Variants in SOX6 observed in about 807,000 individuals in gnomAD.
SOX6 encodes transcription factor SOX-6.
In SOX6, 11 loss-of-function variants were observed where a neutral mutation model predicts 97.8. The ratio of observed to expected loss-of-function variants is 0.11; its 90% CI spans 0.07 to 0.19. The LOEUF (loss-of-function observed/expected upper bound fraction) is 0.19, where lower values mean the gene tolerates loss of function less well. Ranked by LOEUF, SOX6 falls within the 10% of genes least tolerant of loss-of-function variation. SOX6 has a pLI of 1.00. For missense variants in SOX6, 810 were observed against 1,039.5 expected (o/e 0.78, Z 3.04); for synonymous variants, 360 against 371.4 (o/e 0.97, Z 0.35).
chr11:16,706,309 A>T (rs920894917), intron 3 of SOX6, among the ~76,000 whole-genome samples: 2 of 149,208 alleles, frequency 1.3e-5, no homozygotes, highest in Non-Finnish European at 3.0e-5. Context: ...TTAGCTGGGT[A>T]TAGTAACACA....
upstream of SOX6, among the ~76,000 whole-genome samples, chr11:16,361,301 G>T (rs530250905): frequency 3.6e-4 from 55 of 152,172 alleles, no homozygotes; most frequent in African/African-American, 1.2e-3. Context: ...AATAGATGTT[G>T]TAATAAAACC....
At chr11:16,644,090 G>T (rs990882523) in intron 3 of SOX6, among the ~76,000 whole-genome samples, 1 of 152,144 alleles carries the variant, frequency 6.6e-6, no homozygotes, top group Non-Finnish European at 1.5e-5. Context: ...ACCCAGGCTG[G>T]AGTGCAATGG....
At chr11:16,504,166 T>C (rs902456333) in intron 4 of SOX6, among the ~76,000 whole-genome samples, 30 of 152,014 alleles carry the variant, frequency 2.0e-4, no homozygotes, top group African/African-American at 7.2e-4. Context: ...TATAGGACTT[T>C]CCTCTAATAA....
chr11:16,075,801 TATA>T (rs920591924), intron 9 of SOX6, among the ~76,000 whole-genome samples: 2 of 151,872 alleles, frequency 1.3e-5, no homozygotes, highest in East Asian at 3.9e-4. Context: ...ACTTAAAGTA[TATA>T]ATAATAATAA....
chr11:16,146,578 G>C (rs190861694), intron 6 of SOX6, among the ~76,000 whole-genome samples: 1 of 151,978 alleles, frequency 6.6e-6, no homozygotes, highest in East Asian at 1.9e-4. Context: ...CTACAGAATG[G>C]GAGAAAATTT....
intron 4 of SOX6, among the ~76,000 whole-genome samples, chr11:16,541,724 C>T (rs529283269): frequency 8.5e-5 from 13 of 152,220 alleles, no homozygotes; most frequent in Admixed American, 2.6e-4. Flanking sequence ...TGCTCATCAT[C>T]ACTGGTTATC....
At chr11:16,160,976 G>A (rs957213746) in intron 6 of SOX6, among the ~76,000 whole-genome samples, 1 of 152,068 alleles carries the variant, frequency 6.6e-6, no homozygotes, top group East Asian at 1.9e-4. Context: ...AAGAATCAAT[G>A]ATTTAAATAT....
intron 4 of SOX6, among the ~76,000 whole-genome samples, chr11:16,187,335 C>T (rs569451674): frequency 5.9e-5 from 9 of 152,224 alleles, no homozygotes; most frequent in Non-Finnish European, 1.0e-4. Flanking sequence ...ATAATCACCT[C>T]TAAGCTCAGT....
intron 3 of SOX6, chr11:16,311,856 A>C (rs1398523133): frequency 1.3e-5 from 2 of 152,210 alleles, no homozygotes; most frequent in Non-Finnish European, 2.9e-5. Flanking sequence ...AACACAACTT[A>C]TAAGCAAAGT....
intron 4 of SOX6, among the ~76,000 whole-genome samples, chr11:16,565,530 T>C (rs1411134849): frequency 6.6e-6 from 1 of 151,322 alleles, no homozygotes; most frequent in Non-Finnish European, 1.5e-5. Flanking sequence ...TCCTCATGAA[T>C]TCTTTTTTTA....
chr11:16,391,803 C>T (rs1858192093), intron 1 of SOX6, among the ~76,000 whole-genome samples: 1 of 151,900 alleles, frequency 6.6e-6, no homozygotes, highest in African/African-American at 2.4e-5. Context: ...ATTAAAGGTC[C>T]ACTGAGTGCT....
intron 1 of SOX6, among the ~76,000 whole-genome samples, chr11:16,433,392 G>T (rs1696269943): frequency 6.6e-6 from 1 of 152,030 alleles, no homozygotes; most frequent in South Asian, 2.1e-4. Flanking sequence ...TGATATGTAA[G>T]ACGTTGTGCA....
intron 7 of SOX6, among the ~76,000 whole-genome samples, chr11:16,107,325 G>T (rs2133988889): frequency 6.7e-6 from 1 of 148,768 alleles, no homozygotes; most frequent in African/African-American, 2.5e-5. Flanking sequence ...ATAGCCAAAA[G>T]GTAGAAACAA....
chr11:16,681,008 T>C (rs758157264), intron 3 of SOX6, among the ~76,000 whole-genome samples: 1 of 152,138 alleles, frequency 6.6e-6, no homozygotes, highest in Non-Finnish European at 1.5e-5. Context: ...ACAATAATAC[T>C]GGGAGACTTC....
At chr11:16,069,782 A>C (rs1848180473) in intron 9 of SOX6, among the ~76,000 whole-genome samples, 1 of 152,202 alleles carries the variant, frequency 6.6e-6, no homozygotes, top group African/African-American at 2.4e-5. Flanking sequence ...TGGAACAAGC[A>C]TTGACTGTAA....
chr11:16,613,497 C>A lies in SOX6; in HGVS notation n.430-1237G>T, dbSNP rs1848426374. ...TGCAGAGTGGTTCCGAAGCCCCAGC[C>A]CGCTGGGTCGCTCGGCCTGAGGGCT... On this transcript the variant is annotated intron_variant and non_coding_transcript_variant, in intron 3 of 5. Transcript: ENST00000524520. The surrounding 1 kb of genome is among the most constrained non-coding windows in gnomAD (Gnocchi z 4.6). Among the ~76,000 whole-genome samples the A allele has an allele frequency of 6.6e-6, 1 of 152,098 alleles. No homozygotes were observed. Among genetic ancestry groups the A allele is most frequent in the Non-Finnish European group, 1.5e-5 (1 of 68,012 alleles).
chr11:16,582,443 A>C lies in SOX6; in HGVS notation n.609+29638T>G, dbSNP rs1848040017. Among the ~76,000 whole-genome samples the C allele has an allele frequency of 2.0e-5, 3 of 152,290 alleles. 1 individual carries two copies. The highest frequency in any genetic ancestry group is 4.1e-4 in the South Asian group (2 of 4,826). ...TATTTCTTATAGTAGACCCTGTTTTAATCACCCTTTGTATCTTTAGCATCT... is the reference window on the plus strand; with the variant it reads ...TATTTCTTATAGTAGACCCTGTTTTCATCACCCTTTGTATCTTTAGCATCT... On this transcript the variant is annotated intron_variant and non_coding_transcript_variant, in intron 4 of 5. Coordinates refer to the SOX6 transcript ENST00000524520.
chr11:16,723,771 G>C (rs1564877994), intron 2 of SOX6, among the ~76,000 whole-genome samples: 1 of 152,100 alleles, frequency 6.6e-6, no homozygotes, highest in Non-Finnish European at 1.5e-5. Context: ...GACAGAGAGA[G>C]ACTCCAACTC....
chr11:15,999,159 T>A (rs1173236829), intron 13 of SOX6, among the ~76,000 whole-genome samples: 1 of 152,138 alleles, frequency 6.6e-6, no homozygotes, highest in Non-Finnish European at 1.5e-5. Flanking sequence ...TATTCCCTAT[T>A]ATTAATCATC....
Sources: allele counts gnomAD v4.1 joint callset (sites outside exome capture counted in the v4.1 genomes callset), GRCh38; gene constraint gnomAD v4.1.1; non-coding constraint Gnocchi (gnomAD v3.1); transcripts MANE v1.5; gene names NCBI Gene and HGNC (gene_info 2026-07-23, HGNC 2026-07-21).